ARSJ: variants seen among roughly 807,000 people sequenced by gnomAD.
ARSJ encodes the protein arylsulfatase family member J, also known as arylsulfatase J.
In ARSJ, 26 loss-of-function variants were observed where a neutral mutation model predicts 35.9. The ratio of observed to expected loss-of-function variants is 0.72; its 90% CI spans 0.53 to 1.00. The LOEUF is 1.00. ARSJ is among the 50% of genes least tolerant of loss of function. ARSJ has a pLI of 0.00. For synonymous variants in ARSJ, 294 were observed against 267.6 expected, an observed-to-expected ratio of 1.10 and a Z score of -0.96; for missense variants, 667 against 723.6, an observed-to-expected ratio of 0.92 and a Z score of 0.90.
At chr4:113,973,082 C>T (rs1727378122) in intron 1 of ARSJ, among the ~76,000 whole-genome samples, 1 of 152,150 alleles carries the variant, frequency 6.6e-6, no homozygotes, top group African/African-American at 2.4e-5. Flanking sequence ...GTCGTCTTTG[C>T]TACTATTTCT....
chr4:113,944,852 C>G (rs939208002), intron 1 of ARSJ, among the ~76,000 whole-genome samples: 1 of 151,980 alleles, frequency 6.6e-6, no homozygotes, highest in African/African-American at 2.4e-5. Flanking sequence ...CATTTTGTAA[C>G]TATTAACAAA....
At chr4:113,927,931 C>G (rs1371318366) in intron 1 of ARSJ, among the ~76,000 whole-genome samples, 1 of 152,124 alleles carries the variant, frequency 6.6e-6, no homozygotes, top group Non-Finnish European at 1.5e-5. Flanking sequence ...TTTGGCCTTT[C>G]CCACCATAAT....
intron 1 of ARSJ, among the ~76,000 whole-genome samples, chr4:113,936,108 G>A (rs1172501899): frequency 6.6e-6 from 1 of 151,792 alleles, no homozygotes; most frequent in East Asian, 1.9e-4. Flanking sequence ...ATGCAGGCAG[G>A]GCCTTTTTTG....
chr4:113,902,677 C>A lies in ARSJ; in HGVS notation c.1397G>T (p.Trp466Leu). 1 of 1,614,202 alleles carries A rather than the reference C, an allele frequency of 6.2e-7. No homozygotes were observed. Among genetic ancestry groups the A allele is most frequent in the Non-Finnish European group, 8.5e-7 (1 of 1,180,036 alleles). ...GTTGCTGAAAGACTGAGGGGGGACC[C>A]AGTCGCTGTAGCCAGGATTTCCTGT... Reference protein sequence around the residue: ...LLTGNPGYSDWVPPQSFSNLG... With the variant: ...LLTGNPGYSDLVPPQSFSNLG... Residue 466 changes from tryptophan (W) to leucine (L), a missense_variant, in exon 2 of 2, where the codon TGG becomes TTG. By Grantham distance (61) the Trp-to-Leu change is moderately conservative. Transcript: ENST00000315366.
intron 1 of ARSJ, among the ~76,000 whole-genome samples, chr4:113,938,675 A>G (rs1724923313): frequency 6.6e-6 from 1 of 151,680 alleles, no homozygotes; most frequent in Admixed American, 6.6e-5. Context: ...CTACAAAGGT[A>G]GATTACAGAC....
chr4:113,928,233 T>C (rs965257761), intron 1 of ARSJ, among the ~76,000 whole-genome samples: 1 of 152,122 alleles, frequency 6.6e-6, no homozygotes, highest in Non-Finnish European at 1.5e-5. Context: ...CTTTCCCCAA[T>C]GCTCAGTTAC....
At chr4:113,944,172 G>A (rs780409153) in intron 1 of ARSJ, 4 of 152,030 alleles carry the variant, frequency 2.6e-5, no homozygotes, top group Non-Finnish European at 4.4e-5. Flanking sequence ...GCAGGTAGAA[G>A]TGACAGGGCC....
intron 1 of ARSJ, among the ~76,000 whole-genome samples, chr4:113,977,867 G>T (rs888265252): frequency 6.6e-6 from 1 of 152,148 alleles, no homozygotes; most frequent in Non-Finnish European, 1.5e-5. Context: ...TTTGAGAACT[G>T]CTTTGCTAAT....
intron 1 of ARSJ, among the ~76,000 whole-genome samples, chr4:113,915,021 G>A (rs1323976526): frequency 6.6e-6 from 1 of 152,132 alleles, no homozygotes; most frequent in East Asian, 1.9e-4. Context: ...GCATTAATTT[G>A]GTATGACCAG....
intron 1 of ARSJ, among the ~76,000 whole-genome samples, chr4:113,963,242 T>G (rs959937021): frequency 6.6e-6 from 1 of 152,070 alleles, no homozygotes; most frequent in Non-Finnish European, 1.5e-5. Flanking sequence ...TTTGTCAACT[T>G]ATATATTTCC....
At chr4:113,907,017 T>TC (rs1371671606) in intron 1 of ARSJ, among the ~76,000 whole-genome samples, 1 of 152,204 alleles carries the variant, frequency 6.6e-6, no homozygotes, top group Non-Finnish European at 1.5e-5. Flanking sequence ...TGTGGTTTTC[T>TC]CCCCAGCACC....
chr4:113,903,108 G>T lies in ARSJ; in HGVS notation c.966C>A (p.Ile322=). 4 of 1,614,162 alleles carry T rather than the reference G, an allele frequency of 2.5e-6. No individual in the cohort carries two copies. Among genetic ancestry groups the T allele is most frequent in the Non-Finnish European group, 3.4e-6 (4 of 1,180,024 alleles). ...GGCCACCATTATCTGAAGAGTAAATGATAATGCTGTTGTTATAGAAACCAT... is the reference window on the plus strand; with the variant it reads ...GGCCACCATTATCTGAAGAGTAAATTATAATGCTGTTGTTATAGAAACCAT... ...KTYGFYNNSI[I]IYSSDNGGQP... The change falls in exon 2 of 2, where the codon ATC becomes ATA. Residue 322 remains isoleucine (I), a synonymous_variant. Coordinates refer to ENST00000315366, the MANE Select transcript of ARSJ (RefSeq NM_024590.4).
chr4:113,915,097 A>G (rs891238526), intron 1 of ARSJ, among the ~76,000 whole-genome samples: 4 of 152,156 alleles, frequency 2.6e-5, no homozygotes, highest in Admixed American at 2.6e-4. Flanking sequence ...GATACTATCA[A>G]TGTAGGCTGC....
rs1350401630 is a variant in ARSJ, at chr4:113,901,939, G to A, written c.*335C>T. 1 of 379,832 alleles carries A rather than the reference G, an allele frequency of 2.6e-6. No homozygotes were observed. Among genetic ancestry groups the A allele is most frequent in the Admixed American group, 4.0e-5 (1 of 24,766 alleles). The allele number at this position is 379,832 out of a possible 1,614,324, so 23.5% of individuals were successfully genotyped here. On this transcript the variant is annotated 3_prime_UTR_variant, in exon 2 of 2. Coordinates refer to ENST00000315366, the MANE Select transcript of ARSJ (RefSeq NM_024590.4). ...CAAATTAGCATGCTTGCGGATGGTA[G>A]GTTATTGTTCTCCTCCTATAATTCA... is the stretch of plus-strand genomic sequence containing the variant.
chr4:113,923,243 A>G (rs935730139), intron 1 of ARSJ, among the ~76,000 whole-genome samples: 7 of 152,206 alleles, frequency 4.6e-5, no homozygotes, highest in Non-Finnish European at 1.0e-4. Context: ...TCTACAGAAG[A>G]CTAATACAAA....
chr4:113,967,513 C>CA (rs1369584960), intron 1 of ARSJ, among the ~76,000 whole-genome samples: 4 of 152,106 alleles, frequency 2.6e-5, no homozygotes, highest in Non-Finnish European at 5.9e-5. Context: ...CTACTACTCT[C>CA]ATTTGATGAG....
At chr4:113,972,504 C>T (rs1727337208) in intron 1 of ARSJ, among the ~76,000 whole-genome samples, 1 of 151,932 alleles carries the variant, frequency 6.6e-6, no homozygotes, top group Non-Finnish European at 1.5e-5. Context: ...TAGCAAAATC[C>T]TCCTTAAAAC....
intron 1 of ARSJ, among the ~76,000 whole-genome samples, chr4:113,904,326 T>C (rs907734172): frequency 6.6e-6 from 1 of 152,192 alleles, no homozygotes; most frequent in Non-Finnish European, 1.5e-5. Flanking sequence ...AGAAAAGATA[T>C]ACGGAATCAG....
At position 113,953,552 on chromosome 4, in the gene ARSJ, A is replaced by G. The variant is rs572666307; in HGVS notation, c.398+24885T>C. ...TTCTCAGTGACAATTTGAATTTCCA[A>G]TAGGATTTGAATTTCCAATAGGATT... On this transcript the variant is annotated intron_variant, in intron 1 of 1. Coordinates refer to ENST00000315366, the MANE Select transcript of ARSJ (RefSeq NM_024590.4). Among the ~76,000 whole-genome samples the G allele has an allele frequency of 3.3e-5, 5 of 151,558 alleles. No individual in the cohort carries two copies. In the East Asian group the frequency reaches 1.0e-3, roughly 31 times the overall value.
Sources: gnomAD v4.1 joint callset for allele counts (sites outside exome capture counted in the v4.1 genomes callset) on GRCh38, gnomAD v4.1.1 for gene constraint, MANE v1.5 for transcripts, NCBI Gene and HGNC (gene_info 2026-07-23, HGNC 2026-07-21) for gene names.